The following ZNF521 variants were observed in gnomAD, a reference collection of about 807,000 sequenced individuals.
The protein encoded by ZNF521 is zinc finger protein 521.
In ZNF521, 14 loss-of-function variants were observed where a neutral mutation model predicts 105.5. The observed-to-expected ratio is 0.13, with a 90% CI of 0.09 to 0.21. The LOEUF is 0.21. ZNF521 is among the 10% of genes least tolerant of loss of function. The pLI, the probability that ZNF521 is intolerant of heterozygous loss-of-function variation, is 1.00. For missense variants in ZNF521, 1,233 were observed against 1,629.7 expected (o/e 0.76, Z 4.19); for synonymous variants, 635 against 606.0 (o/e 1.05, Z -0.70).
intron 3 of ZNF521, among the ~76,000 whole-genome samples, chr18:25,265,730 T>G (rs543643461): frequency 6.6e-6 from 1 of 152,340 alleles, no homozygotes; most frequent in South Asian, 2.1e-4. Context: ...AAGAGATAAG[T>G]GCACTCATGC....
chr18:25,153,128 C>T (rs1460898949), intron 5 of ZNF521, among the ~76,000 whole-genome samples: 1 of 152,090 alleles, frequency 6.6e-6, no homozygotes, highest in African/African-American at 2.4e-5. Context: ...TATTTTGGTA[C>T]ATGAAGTACT....
chr18:25,300,445 A>G (rs1911572186), intron 3 of ZNF521, among the ~76,000 whole-genome samples: 1 of 152,216 alleles, frequency 6.6e-6, no homozygotes, highest in Non-Finnish European at 1.5e-5. Context: ...AGAAATGGTT[A>G]TTTAGAAAAT....
intron 7 of ZNF521, among the ~76,000 whole-genome samples, chr18:25,080,492 T>A (rs1452707725): frequency 6.6e-6 from 1 of 152,188 alleles, no homozygotes; most frequent in East Asian, 1.9e-4. Context: ...CAATAAAGGA[T>A]ACAAATGTGA....
At chr18:25,064,572 G>A (rs1204422804) in intron 7 of ZNF521, among the ~76,000 whole-genome samples, 1 of 152,242 alleles carries the variant, frequency 6.6e-6, no homozygotes, top group African/African-American at 2.4e-5. Flanking sequence ...AAAGAGCTGA[G>A]ACTGTCTTGT....
chr18:25,103,442 C>T (rs1032781471), intron 5 of ZNF521, among the ~76,000 whole-genome samples: 1 of 152,058 alleles, frequency 6.6e-6, no homozygotes, highest in Non-Finnish European at 1.5e-5. Context: ...TGGATCATTC[C>T]CCGATATAGT....
At chr18:25,216,355 T>C (rs1905324019) in intron 4 of ZNF521, among the ~76,000 whole-genome samples, 1 of 152,222 alleles carries the variant, frequency 6.6e-6, no homozygotes, top group Admixed American at 6.5e-5. Context: ...TTTAATATTT[T>C]TAGATCAAAC....
chr18:25,181,133 A>G (rs554426823), intron 5 of ZNF521, among the ~76,000 whole-genome samples: 49 of 152,278 alleles, frequency 3.2e-4, no homozygotes, highest in African/African-American at 1.1e-3. Context: ...CCTCCCACAC[A>G]ACGGTCAGCT....
At chr18:25,121,639 C>T (rs2034446273) in intron 5 of ZNF521, among the ~76,000 whole-genome samples, 1 of 152,086 alleles carries the variant, frequency 6.6e-6, no homozygotes, top group South Asian at 2.1e-4. Flanking sequence ...TCCCCTTCCC[C>T]ACCACTGGAG....
At chr18:25,129,647 A>G (rs1312821555) in intron 5 of ZNF521, among the ~76,000 whole-genome samples, 3 of 152,154 alleles carry the variant, frequency 2.0e-5, no homozygotes, top group African/African-American at 7.2e-5. Flanking sequence ...GAAAACAAAC[A>G]ACTCAATTAG....
At chr18:25,221,456 A>G (rs146606309) in intron 4 of ZNF521, among the ~76,000 whole-genome samples, 10 of 152,282 alleles carry the variant, frequency 6.6e-5, no homozygotes, top group African/African-American at 2.4e-4. Context: ...CCGATATTCT[A>G]TGTAATTCTA....
At chr18:25,093,412 G>T (rs140079041) in intron 5 of ZNF521, among the ~76,000 whole-genome samples, 1 of 152,190 alleles carries the variant, frequency 6.6e-6, no homozygotes, top group East Asian at 1.9e-4. Flanking sequence ...GAAAGACACC[G>T]TCACACTACA....
At chr18:25,296,313 A>T (rs1911316021) in intron 3 of ZNF521, among the ~76,000 whole-genome samples, 1 of 152,148 alleles carries the variant, frequency 6.6e-6, no homozygotes, top group Non-Finnish European at 1.5e-5. Context: ...CTCTGCAAAT[A>T]TTTTTTATTT....
At chr18:25,209,423 TTAAAA>T (rs2036139134) in intron 4 of ZNF521, among the ~76,000 whole-genome samples, 1 of 152,138 alleles carries the variant, frequency 6.6e-6, no homozygotes, top group Non-Finnish European at 1.5e-5. Flanking sequence ...GTTTCTATTC[TTAAAA>T]TAAAGAGGTT....
Position 25,132,428 on chromosome 18 carries a change from G to C in ZNF521, c.3659-40347C>G, listed in dbSNP as rs182492431. ...CTATTAAACACTGTCTTCCATTTCA[G>C]ACTGCTAGTAAAGAGAAAAATAAAT... On this transcript the variant is annotated intron_variant, in intron 5 of 7. Coordinates refer to ENST00000361524, the MANE Select transcript of ZNF521 (RefSeq NM_015461.3). 4.3e-3 allele frequency among the ~76,000 whole-genome samples: 647 copies of C among 152,226 alleles called. 3 individuals are homozygous for C. Among genetic ancestry groups the C allele is most frequent in the Middle Eastern group, 0.017 (5 of 294 alleles).
intron 3 of ZNF521, chr18:25,301,916 G>C (rs1028145187): frequency 5.9e-5 from 9 of 152,268 alleles, no homozygotes; most frequent in Middle Eastern, 6.8e-3. Flanking sequence ...AACAGCTTGT[G>C]GTGTGATTCA....
intron 3 of ZNF521, among the ~76,000 whole-genome samples, chr18:25,303,313 A>T (rs56718100): frequency 0.39 from 31,789 of 80,482 alleles, 3,801 homozygotes; most frequent in African/African-American, 0.54. Context: ...TGTGTGTGAG[A>T]GAGAGACGGA....
Position 25,259,617 on chromosome 18 carries a change from T to C in ZNF521, c.221-31920A>G, listed in dbSNP as rs1038954336. On this transcript the variant is annotated intron_variant, in intron 3 of 7. Coordinates refer to ENST00000361524, the MANE Select transcript of ZNF521 (RefSeq NM_015461.3). Reference sequence around the variant, plus strand: ...GGGTGGAGTCGGGGTCCAGGTGAACTAGAATTTCAAGACGATCATTCCATC... The same window carrying C: ...GGGTGGAGTCGGGGTCCAGGTGAACCAGAATTTCAAGACGATCATTCCATC... Among the ~76,000 whole-genome samples, 5 of 152,140 alleles carry C rather than the reference T, an allele frequency of 3.3e-5. No individual in the cohort carries two copies. In the East Asian group the frequency reaches 7.7e-4, roughly 24 times the overall value.
intron 3 of ZNF521, among the ~76,000 whole-genome samples, chr18:25,241,954 G>A (rs1202774226): frequency 6.6e-6 from 1 of 152,118 alleles, no homozygotes; most frequent in Non-Finnish European, 1.5e-5. Flanking sequence ...AATTAATTCA[G>A]AGAGCAGTAA....
chr18:25,267,362 T>TA (rs772662259), intron 3 of ZNF521, among the ~76,000 whole-genome samples: 4 of 152,116 alleles, frequency 2.6e-5, no homozygotes, highest in Non-Finnish European at 5.9e-5. Flanking sequence ...TTAGCAGACT[T>TA]AAACGTCCCT....
Sources: gnomAD v4.1 joint callset for allele counts (sites outside exome capture counted in the v4.1 genomes callset) on GRCh38, gnomAD v4.1.1 for gene constraint, MANE v1.5 for transcripts, NCBI Gene and HGNC (gene_info 2026-07-23, HGNC 2026-07-21) for gene names.